CTIF: variants seen among roughly 807,000 people sequenced by gnomAD.
The protein encoded by CTIF is cap binding complex dependent translation initiation factor.
A neutral mutation model predicts 66.0 loss-of-function variants in CTIF; 21 were observed. That is an observed-to-expected ratio of 0.32 (90% CI 0.23 to 0.46). The LOEUF is 0.46. Among genes scored for constraint, CTIF ranks in the 20% least tolerant of loss-of-function variants. The probability of loss-of-function intolerance (pLI) is 1.00; values close to 1 mark genes in which losing one functional copy is unlikely to be tolerated. For synonymous variants in CTIF, 345 were observed against 326.4 expected (o/e 1.06, Z -0.62); for missense variants, 739 against 812.7 (o/e 0.91, Z 1.10).
At chr18:48,803,439 TC>T (rs149910431) in intron 9 of CTIF, among the ~76,000 whole-genome samples, 1,810 of 152,346 alleles carry the variant, frequency 0.012, 31 homozygotes, top group African/African-American at 0.041. Flanking sequence ...TATCACTCTC[TC>T]TTCATTCTTT....
intron 10 of CTIF, among the ~76,000 whole-genome samples, chr18:48,819,505 C>T (rs1004445971): frequency 2.6e-5 from 4 of 152,134 alleles, no homozygotes; most frequent in South Asian, 4.2e-4. Context: ...AGGCTGTAGC[C>T]GAGCGCCGGC....
chr18:48,633,689 G>A (rs564644244), intron 2 of CTIF, among the ~76,000 whole-genome samples: 3 of 144,850 alleles, frequency 2.1e-5, no homozygotes, highest in Admixed American at 6.8e-5. Context: ...GCGACAGAAT[G>A]AGCCTCCATC....
At chr18:48,561,202 C>T (rs1399267185) in intron 1 of CTIF, among the ~76,000 whole-genome samples, 1 of 117,594 alleles carries the variant, frequency 8.5e-6, no homozygotes, top group African/African-American at 3.3e-5. Context: ...TGTGCCACTG[C>T]ATTTCAGCTT....
At chr18:48,656,698 G>T (rs1196443217) in intron 3 of CTIF, among the ~76,000 whole-genome samples, 2 of 152,170 alleles carry the variant, frequency 1.3e-5, no homozygotes, top group African/African-American at 4.8e-5. Flanking sequence ...GCCAATAAAA[G>T]GGGCTGTCAC....
chr18:48,678,545 G>A (rs995991497), intron 6 of CTIF, among the ~76,000 whole-genome samples: 23 of 151,984 alleles, frequency 1.5e-4, no homozygotes, highest in Admixed American at 7.9e-4. Context: ...AAGGGGCAGC[G>A]TGCTCTGTGA....
chr18:48,649,364 T>TAACATTGACCTGTGAGGC (rs2091112075), intron 3 of CTIF, among the ~76,000 whole-genome samples: 1 of 152,234 alleles, frequency 6.6e-6, no homozygotes, highest in African/African-American at 2.4e-5. Context: ...CGCAGCAGTC[T>TAACATTGACCTGTGAGGC]AACATTGACC....
chr18:48,675,959 A>G (rs2091622097), intron 6 of CTIF, among the ~76,000 whole-genome samples: 1 of 152,216 alleles, frequency 6.6e-6, no homozygotes. Flanking sequence ...TTCCATGTGA[A>G]GGCAAGGGAT....
At chr18:48,571,168 TTTTGTTTGTTTG>T (rs553996628) in intron 1 of CTIF, among the ~76,000 whole-genome samples, 1 of 151,910 alleles carries the variant, frequency 6.6e-6, no homozygotes, top group African/African-American at 2.4e-5. Context: ...TTGGGTTTGT[TTTTGTTTGTTTG>T]TTTGTTTGTT....
chr18:48,641,344 G>A (rs896626133), intron 3 of CTIF, among the ~76,000 whole-genome samples: 1 of 152,204 alleles, frequency 6.6e-6, no homozygotes, highest in Non-Finnish European at 1.5e-5. Context: ...GATTAGACTT[G>A]GGAAGGACTT....
chr18:48,612,365 G>T (rs777991988), intron 1 of CTIF, among the ~76,000 whole-genome samples: 1 of 152,204 alleles, frequency 6.6e-6, no homozygotes, highest in Non-Finnish European at 1.5e-5. Flanking sequence ...CCCTGCCCTG[G>T]GGGCCACCTG....
intron 6 of CTIF, among the ~76,000 whole-genome samples, chr18:48,709,913 T>A (rs1203774943): frequency 6.6e-6 from 1 of 152,154 alleles, no homozygotes; most frequent in Non-Finnish European, 1.5e-5. Flanking sequence ...AGGAAAGGAT[T>A]GTTATTAAAA....
chr18:48,675,723 C>T (rs1183660058), intron 6 of CTIF, among the ~76,000 whole-genome samples: 1 of 152,158 alleles, frequency 6.6e-6, no homozygotes, highest in Non-Finnish European at 1.5e-5. Context: ...TCCCTGGGAC[C>T]CCTGGGAACA....
rs761113054 is a variant in CTIF at position 48,859,466 on chromosome 18, A to G, written c.1704A>G (p.Leu568=). 6 of 1,614,072 alleles carry G rather than the reference A, an allele frequency of 3.7e-6. No homozygotes were observed. In the African/African-American group the frequency reaches 4.0e-5, roughly 11 times the overall value. Residue 568 remains leucine (L), a synonymous_variant, in exon 12 of 12, where the codon CTA becomes CTG. Transcript: ENST00000256413. ...SESMLTRSLL[L]EVIELHANSW... is the part of the protein sequence containing the mutation. The stretch of plus-strand genomic sequence containing the variant: ...CCATGCTGACCCGGTCGCTGCTCCT[A>G]GAGGTCATCGAGCTCCACGCTAACA...
chr18:48,843,089 A>G (rs1229747673), intron 10 of CTIF, among the ~76,000 whole-genome samples: 1 of 134,156 alleles, frequency 7.5e-6, no homozygotes, highest in African/African-American at 2.8e-5. Context: ...GGAGCCTCCC[A>G]CCCACCCCAA....
intron 7 of CTIF, among the ~76,000 whole-genome samples, chr18:48,713,024 T>C (rs964448608): frequency 6.6e-6 from 1 of 152,084 alleles, no homozygotes; most frequent in Non-Finnish European, 1.5e-5. Flanking sequence ...CAGGAAGAGG[T>C]GGACCCAGGC....
chr18:48,648,294 C>T (rs1412649218), intron 3 of CTIF, among the ~76,000 whole-genome samples: 1 of 152,140 alleles, frequency 6.6e-6, no homozygotes, highest in Non-Finnish European at 1.5e-5. Flanking sequence ...GACAGACAGA[C>T]ACAGATGTCC....
intron 1 of CTIF, among the ~76,000 whole-genome samples, chr18:48,588,687 C>T (rs532656553): frequency 1.2e-4 from 19 of 152,334 alleles, no homozygotes; most frequent in African/African-American, 3.6e-4. Flanking sequence ...TGGCCTCCTA[C>T]AGTCTCTCCT....
chr18:48,818,720 C>G (rs1387179156), intron 10 of CTIF, among the ~76,000 whole-genome samples: 1 of 151,998 alleles, frequency 6.6e-6, no homozygotes, highest in Non-Finnish European at 1.5e-5. Context: ...GGACGCCTCC[C>G]CCATGTTGTA....
chr18:48,655,660 T>C (rs903353898), intron 3 of CTIF, among the ~76,000 whole-genome samples: 2 of 152,066 alleles, frequency 1.3e-5, no homozygotes, highest in African/African-American at 4.8e-5. Flanking sequence ...GTGCACTGTA[T>C]CAGGGGGTTT....
Sources: gnomAD v4.1 joint callset for allele counts (sites outside exome capture counted in the v4.1 genomes callset) on GRCh38, gnomAD v4.1.1 for gene constraint, MANE v1.5 for transcripts, NCBI Gene and HGNC (gene_info 2026-07-23, HGNC 2026-07-21) for gene names.